Variants in PCMTD1 observed in about 807,000 individuals in gnomAD.
PCMTD1 encodes protein-L-isoaspartate (D-aspartate) O-methyltransferase domain containing 1.
A neutral mutation model predicts 37.6 loss-of-function variants in PCMTD1; 12 were observed. The ratio of observed to expected loss-of-function variants is 0.32; its 90% CI spans 0.20 to 0.52. The LOEUF (loss-of-function observed/expected upper bound fraction) is 0.52, where lower values mean the gene tolerates loss of function less well. Ranked by LOEUF, PCMTD1 falls within the 20% of genes least tolerant of loss-of-function variation. The pLI is 0.97. For missense variants in PCMTD1, 235 were observed against 421.3 expected, an observed-to-expected ratio of 0.56 and a Z score of 3.87; for synonymous variants, 117 against 135.8, an observed-to-expected ratio of 0.86 and a Z score of 0.96.
intron 3 of PCMTD1, among the ~76,000 whole-genome samples, chr8:51,838,909 A>G (rs1169962128): frequency 6.6e-6 from 1 of 152,192 alleles, no homozygotes; most frequent in East Asian, 1.9e-4. Context: ...CAACGACACA[A>G]TAAATGAAAT....
intron 1 of PCMTD1, among the ~76,000 whole-genome samples, chr8:51,868,733 C>G (rs1399886502): frequency 1.3e-5 from 2 of 152,090 alleles, no homozygotes; most frequent in Admixed American, 1.3e-4. Flanking sequence ...TTCACAGATA[C>G]AGCTCTTACC....
chr8:51,829,343 G>A (rs1394249833), intron 5 of PCMTD1, among the ~76,000 whole-genome samples: 2 of 152,142 alleles, frequency 1.3e-5, no homozygotes, highest in African/African-American at 4.8e-5. Flanking sequence ...CTGCATCATC[G>A]CACACATTCT....
intron 1 of PCMTD1, among the ~76,000 whole-genome samples, chr8:51,861,917 T>C (rs747535068): frequency 2.6e-5 from 4 of 152,032 alleles, no homozygotes; most frequent in Non-Finnish European, 5.9e-5. Context: ...TTTCACCATG[T>C]TGCCCAAACT....
chr8:51,826,401 T>C (rs2037921782), intron 5 of PCMTD1, among the ~76,000 whole-genome samples: 2 of 152,114 alleles, frequency 1.3e-5, no homozygotes, highest in South Asian at 4.1e-4. Flanking sequence ...GGGATAGCAT[T>C]AGGAGAAATA....
chr8:51,841,715 A>G (rs1054080339), intron 3 of PCMTD1, among the ~76,000 whole-genome samples: 2 of 152,190 alleles, frequency 1.3e-5, no homozygotes, highest in African/African-American at 4.8e-5. Flanking sequence ...CTGACTCATA[A>G]TTTGACTTTC....
intron 2 of PCMTD1, among the ~76,000 whole-genome samples, chr8:51,851,330 G>A (rs887334981): frequency 2.2e-4 from 33 of 152,142 alleles, no homozygotes; most frequent in African/African-American, 6.8e-4. Flanking sequence ...ATGAATCTCA[G>A]AAATATGTTT....
chr8:51,859,650 A>C (rs1003262963), intron 2 of PCMTD1, among the ~76,000 whole-genome samples: 1 of 152,184 alleles, frequency 6.6e-6, no homozygotes. Flanking sequence ...CACATAATTT[A>C]TTGTCCAAAC....
rs569962070 is a variant in PCMTD1, at chr8:51,886,166, T to C, written c.-96+12764A>G. ...TAATTTCGTCCCTTCCTCCAACATATTGCCGAAGAGACTTCAGAACAGCTA... is the reference window on the plus strand; with the variant it reads ...TAATTTCGTCCCTTCCTCCAACATACTGCCGAAGAGACTTCAGAACAGCTA... On this transcript the variant is annotated intron_variant, in intron 1 of 5. Coordinates refer to ENST00000522514, the MANE Select transcript of PCMTD1 (RefSeq NM_052937.4). 3.9e-5 allele frequency among the ~76,000 whole-genome samples: 6 copies of C among 152,346 alleles called. No individual in the cohort carries two copies. The East Asian group carries it at 5.8e-4, about 15-fold the overall frequency.
chr8:51,888,238 C>T (rs1238158594), intron 1 of PCMTD1, among the ~76,000 whole-genome samples: 1 of 152,128 alleles, frequency 6.6e-6, no homozygotes, highest in Non-Finnish European at 1.5e-5. Context: ...ATATGATGGT[C>T]CATACCTTTC....
At chr8:51,897,416 T>A (rs1196522385) in intron 1 of PCMTD1, among the ~76,000 whole-genome samples, 1 of 152,226 alleles carries the variant, frequency 6.6e-6, no homozygotes, top group Admixed American at 6.5e-5. Flanking sequence ...TAGCTTTCTA[T>A]CTTTCCTACC....
intron 5 of PCMTD1, among the ~76,000 whole-genome samples, chr8:51,827,644 G>A (rs1187196331): frequency 1.3e-5 from 2 of 152,110 alleles, no homozygotes; most frequent in Non-Finnish European, 2.9e-5. Flanking sequence ...AAAAAGGAGG[G>A]ATGACTGTAT....
At chr8:51,865,998 T>C (rs990396384) in intron 1 of PCMTD1, among the ~76,000 whole-genome samples, 3 of 151,814 alleles carry the variant, frequency 2.0e-5, no homozygotes, top group Admixed American at 6.6e-5. Flanking sequence ...TAAAAGTCAG[T>C]AGCATTTCTT....
In PCMTD1 at chr8:51,820,584, C is replaced by T. The variant is rs200246241; in HGVS notation, c.841G>A (p.Val281Ile). The T allele has an allele frequency of 2.5e-6, 4 of 1,612,544 alleles. No homozygotes were observed. Among genetic ancestry groups the T allele is most frequent in the African/African-American group, 1.3e-5 (1 of 74,808 alleles). ...RAPPKRKRKRVKQRINTYVFV... is the reference protein window; with the variant it reads ...RAPPKRKRKRIKQRINTYVFV... ...ACGTAAGTGTTAATTCTCTGTTTAA[C>T]TCTCTTTCTTTTCCTTTTGGGTGGA... The change falls in exon 6 of 6, where the codon GTT (valine) becomes ATT (isoleucine). Residue 281 changes from valine to isoleucine, a missense_variant. Physicochemically the swap from Val to Ile is conservative, Grantham distance 29. Around this residue, in one of 3 missense-constraint regions of PCMTD1, gnomAD observed 183 missense variants for 349.3 expected, o/e 0.52. Coordinates refer to ENST00000522514, the MANE Select transcript of PCMTD1 (RefSeq NM_052937.4).
In PCMTD1 at chr8:51,884,039, G is replaced by A. The variant is rs1271158337; in HGVS notation, c.-96+14891C>T. On this transcript the variant is annotated intron_variant, in intron 1 of 5. Coordinates refer to ENST00000522514, the MANE Select transcript of PCMTD1 (RefSeq NM_052937.4). ...GCATACTGAAAGAATTTGTGGCTCC[G>A]TGTCTTGAGTTTCTTTTCAATACAT... Among the ~76,000 whole-genome samples the A allele has an allele frequency of 5.9e-5, 9 of 152,282 alleles. No individual in the cohort carries two copies. In the South Asian group the frequency reaches 1.9e-3, roughly 32 times the overall value.
chr8:51,827,430 G>A, intron 5 of PCMTD1: 1 of 504,222 alleles, frequency 2.0e-6, no homozygotes, highest in Non-Finnish European at 3.6e-6. Flanking sequence ...GCTGTTCTGA[G>A]TAGTGTAGTA....
Position 51,834,068 on chromosome 8 carries a change from T to C in PCMTD1, c.411-379A>G, listed in dbSNP as rs140793891. 2.0e-5 allele frequency among the ~76,000 whole-genome samples: 3 copies of C among 152,286 alleles called. No homozygotes were observed. In the East Asian group the frequency reaches 5.8e-4, roughly 29 times the overall value. ...GAAAAGGCTTCACTTTGCATTGTCC[T>C]TTCCAAAAAAGGTGAGGGGCCAGCA... On this transcript the variant is annotated intron_variant, in intron 3 of 5. Coordinates refer to ENST00000522514, the MANE Select transcript of PCMTD1 (RefSeq NM_052937.4).
At chr8:51,840,061 C>T (rs1028670639) in intron 3 of PCMTD1, among the ~76,000 whole-genome samples, 6 of 152,078 alleles carry the variant, frequency 3.9e-5, no homozygotes, top group Non-Finnish European at 8.8e-5. Context: ...GAAAAACAAA[C>T]CTTTACATTT....
intron 5 of PCMTD1, among the ~76,000 whole-genome samples, chr8:51,822,327 T>C (rs2037860395): frequency 6.6e-6 from 1 of 150,382 alleles, no homozygotes; most frequent in South Asian, 2.1e-4. Context: ...ATTTTGAAGA[T>C]AGGATGGAAA....
In PCMTD1 at chr8:51,850,819, T is replaced by G. The variant is rs577331369; in HGVS notation, c.308-5056A>C. On this transcript the variant is annotated intron_variant, in intron 2 of 5. Coordinates refer to ENST00000522514, the MANE Select transcript of PCMTD1 (RefSeq NM_052937.4). ...TATTTTATTACTAATTTTAGTTAGATAAAATAAGGTATCTTTATAAAGATT... is the reference window on the plus strand; with the variant it reads ...TATTTTATTACTAATTTTAGTTAGAGAAAATAAGGTATCTTTATAAAGATT... Among the ~76,000 whole-genome samples the G allele has an allele frequency of 1.3e-3, 196 of 152,292 alleles. 1 individual carries two copies. The highest frequency in any genetic ancestry group is 4.6e-3 in the African/African-American group (192 of 41,566).
Sources: gnomAD v4.1 joint callset for allele counts (sites outside exome capture counted in the v4.1 genomes callset) on GRCh38, gnomAD v4.1.1 for gene constraint, gnomAD v4.1.1 regional missense constraint, MANE v1.5 for transcripts, NCBI Gene and HGNC (gene_info 2026-07-23, HGNC 2026-07-21) for gene names.